XRN1: variants seen among roughly 807,000 people sequenced by gnomAD.
XRN1 encodes the protein strand-exchange protein 1 homolog.
A neutral mutation model predicts 222.3 loss-of-function variants in XRN1; 67 were observed. That is an observed-to-expected ratio of 0.30 (90% CI 0.25 to 0.37). The LOEUF (loss-of-function observed/expected upper bound fraction) is 0.37, where lower values mean the gene tolerates loss of function less well. Ranked by LOEUF, XRN1 falls within the 10% of genes least tolerant of loss-of-function variation. XRN1 has a pLI of 1.00. For synonymous variants in XRN1, 643 were observed against 652.4 expected (o/e 0.99, Z 0.22); for missense variants, 1,707 against 2,000.2 (o/e 0.85, Z 2.80).
intron 27 of XRN1, among the ~76,000 whole-genome samples, chr3:142,366,802 C>A (rs767782672): frequency 2.0e-5 from 3 of 152,136 alleles, no homozygotes; most frequent in African/African-American, 7.2e-5. Flanking sequence ...CATCAAAAAA[C>A]AACCCATATG....
intron 30 of XRN1, among the ~76,000 whole-genome samples, chr3:142,359,016 A>G (rs1477574340): frequency 6.6e-6 from 1 of 152,184 alleles, no homozygotes; most frequent in Non-Finnish European, 1.5e-5. Flanking sequence ...GTATGTATAT[A>G]TCTTCATTAT....
chr3:142,426,355 C>T (rs1278493019), intron 3 of XRN1, among the ~76,000 whole-genome samples: 4 of 152,136 alleles, frequency 2.6e-5, no homozygotes, highest in Non-Finnish European at 4.4e-5. Context: ...CTAGGAGAAT[C>T]AGTTTCTTAC....
At chr3:142,440,359 TTA>T (rs1309718364) in intron 1 of XRN1, among the ~76,000 whole-genome samples, 20 of 152,040 alleles carry the variant, frequency 1.3e-4, no homozygotes, top group Admixed American at 1.2e-3. Context: ...GTAGGGGTCA[TTA>T]TACACCTGAA....
chr3:142,349,557 G>A (rs2066247583), intron 32 of XRN1, among the ~76,000 whole-genome samples: 1 of 151,904 alleles, frequency 6.6e-6, no homozygotes, highest in African/African-American at 2.4e-5. Flanking sequence ...CAAAATCCAT[G>A]TTCACAGTAC....
At position 142,309,953 on chromosome 3, in the gene XRN1, A is replaced by G. The variant is rs2065043823; in HGVS notation, c.*1558T>C. ...TCAAGATCCCACTACAGATAAAGAA[A>G]CAATGTTGGGAACTGATAAACATCT... On this transcript the variant is annotated 3_prime_UTR_variant, in exon 41 of 41. Transcript: ENST00000392981. The G allele has an allele frequency of 6.6e-6, 1 of 152,604 alleles. No homozygotes were observed. The highest frequency in any genetic ancestry group is 1.5e-5 in the Non-Finnish European group (1 of 68,038). The allele number at this position is 152,604 out of a possible 1,614,324, so 9.5% of individuals were successfully genotyped here. A position where few individuals can be genotyped will look rare whatever the true frequency, so the allele number is the denominator to read the frequency against.
chr3:142,323,376 T>C (rs1369537086), intron 37 of XRN1, among the ~76,000 whole-genome samples: 1 of 151,918 alleles, frequency 6.6e-6, no homozygotes, highest in African/African-American at 2.4e-5. Flanking sequence ...GAGATGGGGT[T>C]TCACCACACT....
At chr3:142,382,979 G>A (rs2067355848) in intron 22 of XRN1, among the ~76,000 whole-genome samples, 1 of 151,758 alleles carries the variant, frequency 6.6e-6, no homozygotes, top group Non-Finnish European at 1.5e-5. Flanking sequence ...ATTCACTCAA[G>A]CCTATTACAT....
chr3:142,316,164 T>C (rs750091730), intron 39 of XRN1, among the ~76,000 whole-genome samples: 56 of 152,036 alleles, frequency 3.7e-4, no homozygotes, highest in Non-Finnish European at 5.4e-4. Flanking sequence ...AGATCCATTA[T>C]GTATTTTCTT....
At position 142,365,034 on chromosome 3, in the gene XRN1, A is replaced by T. The variant is rs2066772652; in HGVS notation, c.3394+13T>A. On this transcript the variant is annotated intron_variant, in intron 29 of 40. Transcript: ENST00000392981. ...AAATTACGTTGAAGACATTTCAAGTATTAGGATATTACCTCCTTTTATTCC... is the reference window on the plus strand; with the variant it reads ...AAATTACGTTGAAGACATTTCAAGTTTTAGGATATTACCTCCTTTTATTCC... 6.2e-7 allele frequency: 1 copy of T among 1,610,130 alleles called. No homozygotes were observed. Among genetic ancestry groups the T allele is most frequent in the Admixed American group, 1.7e-5 (1 of 59,034 alleles).
In XRN1 at chr3:142,400,526, A is replaced by G; in HGVS notation, c.2125T>C (p.Ser709Pro). The change falls in exon 19 of 41, where the codon TCA becomes CCA. Residue 709 changes from serine (S) to proline (P), a missense_variant. Physicochemically the swap from Ser to Pro is moderately conservative, Grantham distance 74. This residue lies in a region of XRN1 where 1,234 missense variants were observed against 1,518.2 expected (regional missense o/e 0.81). Coordinates refer to ENST00000392981, the MANE Select transcript of XRN1 (RefSeq NM_001282857.2). ...ACAAAGACAGATTTTCCAAGCACTG[A>G]TGAAGCTACATTTTCTACGGTCTTA... ...DELTVENVAS[S>P]VLGKSVFVNW... 6.2e-7 allele frequency: 1 copy of G among 1,611,508 alleles called. No individual in the cohort carries two copies. The highest frequency in any genetic ancestry group is 1.1e-5 in the South Asian group (1 of 90,420).
chr3:142,445,641 CTTCTT>C (rs947454706), intron 1 of XRN1, among the ~76,000 whole-genome samples: 1 of 152,170 alleles, frequency 6.6e-6, no homozygotes, highest in Non-Finnish European at 1.5e-5. Flanking sequence ...ATCTCCTTCT[CTTCTT>C]GTCTCTATTG....
At chr3:142,432,228 A>ATT (rs2069654568) in intron 2 of XRN1, among the ~76,000 whole-genome samples, 2 of 106,200 alleles carry the variant, frequency 1.9e-5, no homozygotes, top group African/African-American at 6.6e-5. Flanking sequence ...TATATAATTA[A>ATT]TTATATATAT....
intron 34 of XRN1, among the ~76,000 whole-genome samples, chr3:142,334,539 T>C (rs2065793201): frequency 6.6e-6 from 1 of 151,950 alleles, no homozygotes; most frequent in Non-Finnish European, 1.5e-5. Context: ...AAAACATAAA[T>C]GATCTTGGCT....
chr3:142,370,189 A>T (rs2066947215), intron 27 of XRN1, among the ~76,000 whole-genome samples: 1 of 152,204 alleles, frequency 6.6e-6, no homozygotes, highest in Non-Finnish European at 1.5e-5. Context: ...CATAAAATTT[A>T]AATACTATGG....
chr3:142,411,553 C>T (rs528966867), intron 15 of XRN1, among the ~76,000 whole-genome samples: 1 of 152,076 alleles, frequency 6.6e-6, no homozygotes, highest in South Asian at 2.1e-4. Flanking sequence ...AAAAGCAATC[C>T]TACCGTCTTG....
chr3:142,350,254 T>A (rs1395569586), intron 32 of XRN1, among the ~76,000 whole-genome samples: 1 of 152,072 alleles, frequency 6.6e-6, no homozygotes, highest in Non-Finnish European at 1.5e-5. Flanking sequence ...GTGAACTTCA[T>A]TGTATACATG....
chr3:142,431,892 AATAT>A (rs1418026466), intron 2 of XRN1, among the ~76,000 whole-genome samples: 1 of 28,888 alleles, frequency 3.5e-5, no homozygotes, highest in African/African-American at 1.7e-4. Context: ...TATTATATAT[AATAT>A]ATATATTATA....
At position 142,404,992 on chromosome 3, in the gene XRN1, T is replaced by C. The variant is rs1318163772; in HGVS notation, c.1798A>G (p.Met600Val). The change falls in exon 16 of 41, where the codon ATG becomes GTG. Residue 600 changes from methionine to valine, a missense_variant. This residue lies in a region of XRN1 where 1,234 missense variants were observed against 1,518.2 expected (regional missense o/e 0.81). Coordinates refer to ENST00000392981, the MANE Select transcript of XRN1 (RefSeq NM_001282857.2). ...TCTGTGTCTCTATCATACCAGCACA[T>C]TAGGCACTCACTATGTTGGTTTCTT... ...RKRNQHSECLMCWYDRDTEFI... is the reference protein window; with the variant it reads ...RKRNQHSECLVCWYDRDTEFI... 2 of 1,613,842 alleles carry C rather than the reference T, an allele frequency of 1.2e-6. No individual in the cohort carries two copies. Among genetic ancestry groups the C allele is most frequent in the Non-Finnish European group, 1.7e-6 (2 of 1,179,862 alleles).
At chr3:142,431,581 C>G (rs1408398092) in intron 2 of XRN1, among the ~76,000 whole-genome samples, 1 of 151,508 alleles carries the variant, frequency 6.6e-6, no homozygotes, top group Non-Finnish European at 1.5e-5. Context: ...CTGTGGGAGG[C>G]TGAGGTGGGT....
Sources: allele counts gnomAD v4.1 joint callset (sites outside exome capture counted in the v4.1 genomes callset), GRCh38; gene constraint gnomAD v4.1.1; regional missense constraint gnomAD v4.1.1; transcripts MANE v1.5; gene names NCBI Gene and HGNC (gene_info 2026-07-23, HGNC 2026-07-21).